Variants in RNASEH2B observed in about 807,000 individuals in gnomAD.
The protein encoded by RNASEH2B is Aicardi-Goutieres syndrome 2 protein.
Under a neutral mutation model 45.0 loss-of-function variants are expected in RNASEH2B, and 36 were observed. The ratio of observed to expected loss-of-function variants is 0.80; its 90% CI spans 0.61 to 1.06. The LOEUF (loss-of-function observed/expected upper bound fraction) is 1.06. Among genes scored for constraint, RNASEH2B ranks in the 50% least tolerant of loss-of-function variants. The pLI is 0.00. For missense variants in RNASEH2B, 361 were observed against 360.3 expected, an observed-to-expected ratio of 1.00 and a Z score of -0.02; for synonymous variants, 119 against 125.7, an observed-to-expected ratio of 0.95 and a Z score of 0.35.
chr13:50,936,762 A>G (rs1951757421), intron 5 of RNASEH2B: 1 of 152,242 alleles, frequency 6.6e-6, no homozygotes, highest in South Asian at 2.1e-4. Flanking sequence ...TAAAACCCAG[A>G]AATCCAGATT....
downstream of RNASEH2B, among the ~76,000 whole-genome samples, chr13:50,956,985 A>C (rs1952059271): frequency 6.6e-6 from 1 of 151,698 alleles, no homozygotes; most frequent in Admixed American, 6.6e-5. Flanking sequence ...TTTTTAGAAA[A>C]TAGAGAAAAT....
intron 8 of RNASEH2B, 62 bp from the exon 9 acceptor site, chr13:50,949,401 G>A: frequency 6.6e-7 from 1 of 1,506,728 alleles, no homozygotes; most frequent in Non-Finnish European, 9.2e-7. Context: ...AGTTGGCCCT[G>A]TCTTTCTGTT....
chr13:50,942,174 A>G (rs57199709), intron 5 of RNASEH2B: 4,504 of 152,350 alleles, frequency 0.03, 79 homozygotes, highest in South Asian at 0.045. Flanking sequence ...CTGGAATAGA[A>G]GTGCTGCCCT....
chr13:50,915,239 C>T (rs1001037479), intron 1 of RNASEH2B: 1 of 395,132 alleles, frequency 2.5e-6, no homozygotes, highest in Non-Finnish European at 4.5e-6. Flanking sequence ...TTTTCCTCCC[C>T]TTCTACTTCT....
chr13:50,929,547 A>C lies in RNASEH2B; in HGVS notation c.209A>C (p.His70Pro). The C allele has an allele frequency of 1.9e-6, 3 of 1,613,016 alleles. No homozygotes were observed. Among genetic ancestry groups the C allele is most frequent in the Non-Finnish European group, 2.5e-6 (3 of 1,179,030 alleles). ...GAAGTAAAAGTTTTCAAGGAAAAAC[A>C]CCATTCTTGGTTTATAAATCAATCA... ...LFEVKVFKEK[H>P]HSWFINQSVQ... The change falls in exon 3 of 11, where the codon CAC becomes CCC. Residue 70 changes from histidine to proline, a missense_variant. Transcript: ENST00000336617.
chr13:50,946,888 G>A (rs575390188), intron 7 of RNASEH2B, among the ~76,000 whole-genome samples: 25 of 152,180 alleles, frequency 1.6e-4, no homozygotes, highest in Middle Eastern at 6.8e-3. Context: ...AGTTTTCTTG[G>A]TCTAGTCATG....
chr13:50,954,284 T>A (rs550614807), intron 10 of RNASEH2B: 15 of 523,760 alleles, frequency 2.9e-5, no homozygotes, highest in African/African-American at 2.7e-4. Context: ...TACAGGTAAT[T>A]TTTTGTCAAC....
chr13:50,957,221 TG>T (rs370580068), downstream of RNASEH2B, among the ~76,000 whole-genome samples: 8 of 152,120 alleles, frequency 5.3e-5, no homozygotes, highest in African/African-American at 1.9e-4. Flanking sequence ...TAGTACCCAA[TG>T]GGTAATTTTT....
intron 1 of RNASEH2B, among the ~76,000 whole-genome samples, chr13:50,919,187 AAG>A (rs1951485614): frequency 6.6e-6 from 1 of 152,254 alleles, no homozygotes; most frequent in Non-Finnish European, 1.5e-5. Context: ...AGGGATAAGA[AAG>A]AGCTGCCAAG....
chr13:50,943,158 C>A, intron 5 of RNASEH2B, 163 bp from the exon 6 acceptor site: 1 of 589,622 alleles, frequency 1.7e-6, no homozygotes, highest in Non-Finnish European at 3.0e-6. Context: ...TTACTACTAA[C>A]ATTTAAAAAA....
At chr13:50,968,163 C>G (rs1461443778) in intron 9 of RNASEH2B, among the ~76,000 whole-genome samples, 1 of 152,128 alleles carries the variant, frequency 6.6e-6, no homozygotes, top group Non-Finnish European at 1.5e-5. Flanking sequence ...CTTCTGTAAT[C>G]CCAGTACTTT....
chr13:50,917,159 T>C (rs952196496), intron 1 of RNASEH2B, among the ~76,000 whole-genome samples: 5 of 152,146 alleles, frequency 3.3e-5, no homozygotes, highest in Non-Finnish European at 7.4e-5. Context: ...AGGGGCAGGC[T>C]GTAAGCACAA....
intron 9 of RNASEH2B, among the ~76,000 whole-genome samples, chr13:50,962,160 GTTTTC>G (rs2138037472): frequency 6.6e-6 from 1 of 152,138 alleles, no homozygotes; most frequent in African/African-American, 2.4e-5. Context: ...TTGGTCTGTG[GTTTTC>G]TTTACTTGTA....
intron 1 of RNASEH2B, chr13:50,915,435 A>G (rs1441629650): frequency 2.5e-6 from 1 of 398,492 alleles, no homozygotes; most frequent in East Asian, 3.6e-5. Flanking sequence ...CACCTCTACC[A>G]GGAAGCCTTC....
At chr13:50,928,561 A>G (rs1371536360) in intron 2 of RNASEH2B, 1 of 152,254 alleles carries the variant, frequency 6.6e-6, no homozygotes, top group Admixed American at 6.5e-5. Flanking sequence ...CTAAATGCTC[A>G]TAGACAACAG....
At chr13:50,941,450 G>A (rs532775157) in intron 5 of RNASEH2B, 1 of 152,318 alleles carries the variant, frequency 6.6e-6, no homozygotes, top group African/African-American at 2.4e-5. Context: ...GTGGGAGACA[G>A]GAAGGAAAAC....
intron 4 of RNASEH2B, among the ~76,000 whole-genome samples, chr13:50,933,256 C>T (rs925114212): frequency 2.6e-5 from 4 of 152,230 alleles, no homozygotes; most frequent in Non-Finnish European, 5.9e-5. Context: ...TAGCATTTCT[C>T]CATCTCCCAT....
At chr13:50,913,724 A>C (rs1385126936) in intron 1 of RNASEH2B, among the ~76,000 whole-genome samples, 1 of 152,116 alleles carries the variant, frequency 6.6e-6, no homozygotes, top group African/African-American at 2.4e-5. Context: ...CTTATTATTT[A>C]TTTCTCCACA....
chr13:50,948,159 T>C (rs773000655), intron 8 of RNASEH2B, 91 bp downstream of exon 8: 13 of 1,559,362 alleles, frequency 8.3e-6, no homozygotes, highest in Non-Finnish European at 1.1e-5. Context: ...ATCATATCAC[T>C]GTTTATGATA....
Sources: gnomAD v4.1 joint callset for allele counts (sites outside exome capture counted in the v4.1 genomes callset) on GRCh38, gnomAD v4.1.1 for gene constraint, MANE v1.5 for transcripts, NCBI Gene and HGNC (gene_info 2026-07-23, HGNC 2026-07-21) for gene names.